Variants in LRP1B observed in about 807,000 individuals in gnomAD.
The protein encoded by LRP1B is low-density lipoprotein receptor-related protein 1B.
In LRP1B, 217 loss-of-function variants were observed where a neutral mutation model predicts 556.6. That is an observed-to-expected ratio of 0.39 (90% CI 0.35 to 0.44). The LOEUF (loss-of-function observed/expected upper bound fraction) is 0.44, where lower values mean the gene tolerates loss of function less well. Among genes scored for constraint, LRP1B ranks in the 20% least tolerant of loss-of-function variants. The probability of loss-of-function intolerance (pLI) is 1.00; values close to 1 mark genes in which losing one functional copy is unlikely to be tolerated. For synonymous variants in LRP1B, 2,047 were observed against 1,865.8 expected (o/e 1.10, Z -2.50); for missense variants, 5,053 against 5,620.8 (o/e 0.90, Z 3.23).
intron 78 of LRP1B, among the ~76,000 whole-genome samples, chr2:140,334,948 T>A (rs1680995575): frequency 1.3e-5 from 2 of 152,030 alleles, no homozygotes; most frequent in Admixed American, 6.6e-5. Flanking sequence ...CTATTTTTTT[T>A]ATAGAGAAGT....
At chr2:140,750,158 A>G (rs1688525711) in intron 35 of LRP1B, among the ~76,000 whole-genome samples, 1 of 152,092 alleles carries the variant, frequency 6.6e-6, no homozygotes, top group Admixed American at 6.6e-5. Context: ...AGTCATAATA[A>G]TGTAGTCCTT....
intron 68 of LRP1B, among the ~76,000 whole-genome samples, chr2:140,376,250 A>T (rs955299591): frequency 6.6e-6 from 1 of 152,174 alleles, no homozygotes; most frequent in African/African-American, 2.4e-5. Flanking sequence ...GGTAATAAGG[A>T]TATCTACTTT....
rs558344300 is a variant in LRP1B at position 140,716,082 on chromosome 2, G to C, written c.5914C>G (p.His1972Asp). 2 of 1,603,990 alleles carry C rather than the reference G, an allele frequency of 1.2e-6. No individual in the cohort carries two copies. Among genetic ancestry groups the C allele is most frequent in the African/African-American group, 2.7e-5 (2 of 74,608 alleles). Residue 1972 changes from histidine (H) to aspartate (D), a missense_variant, in exon 37 of 91, where the codon CAT becomes GAT. Coordinates refer to ENST00000389484, the MANE Select transcript of LRP1B (RefSeq NM_018557.3). ...WIAGNIYWTD[H>D]GFNLIEVARL... Reference sequence around the variant, plus strand: ...GCAACTTCAATTAAGTTGAAACCATGATCTGTCCAATATATGTTACCTAGG... The same window carrying C: ...GCAACTTCAATTAAGTTGAAACCATCATCTGTCCAATATATGTTACCTAGG...
chr2:141,795,902 T>TAAA (rs1695797423), intron 2 of LRP1B, among the ~76,000 whole-genome samples: 1 of 56,746 alleles, frequency 1.8e-5, no homozygotes, highest in Non-Finnish European at 4.1e-5. Context: ...ATATATATAA[T>TAAA]CTTTAAGCAA....
intron 41 of LRP1B, among the ~76,000 whole-genome samples, chr2:140,623,956 G>GTATATATATATATATATA (rs3060390): frequency 0.081 from 8,643 of 106,084 alleles, 871 homozygotes; most frequent in Admixed American, 0.11. Context: ...TTTTATTTAT[G>GTATATATATATATATATA]TATATATATA....
chr2:140,402,355 G>A (rs1240888793), intron 66 of LRP1B, among the ~76,000 whole-genome samples: 1 of 152,128 alleles, frequency 6.6e-6, no homozygotes, highest in Non-Finnish European at 1.5e-5. Flanking sequence ...AAGAGTCTTG[G>A]AGAAGGGATC....
Position 140,471,953 on chromosome 2 carries a change from C to G in LRP1B, c.9625+3185G>C, listed in dbSNP as rs990655748. On this transcript the variant is annotated intron_variant, in intron 60 of 90. Coordinates refer to ENST00000389484, the MANE Select transcript of LRP1B (RefSeq NM_018557.3). ...ATGCTGTTCCCTCTGTGTGAAGACT[C>G]CTTCTTACACTTTCCCTCTATGGGG... 1.4e-4 allele frequency among the ~76,000 whole-genome samples: 21 copies of G among 152,198 alleles called. 1 individual carries two copies. The highest frequency in any genetic ancestry group is 5.1e-4 in the African/African-American group (21 of 41,452).
At chr2:140,828,405 C>T (rs915719184) in intron 31 of LRP1B, among the ~76,000 whole-genome samples, 22 of 149,550 alleles carry the variant, frequency 1.5e-4, no homozygotes, top group African/African-American at 5.4e-4. Flanking sequence ...GTCAGGAGAT[C>T]GAGACCATCC....
chr2:140,359,085 C>G (rs560362279), intron 72 of LRP1B, 139 bp from the exon 73 acceptor site: 2 of 714,038 alleles, frequency 2.8e-6, no homozygotes. Flanking sequence ...CAATTGCCTA[C>G]TAGTGGCTAC....
intron 7 of LRP1B, among the ~76,000 whole-genome samples, chr2:141,074,833 T>C (rs2105490081): frequency 6.6e-6 from 1 of 152,218 alleles, no homozygotes; most frequent in Non-Finnish European, 1.5e-5. Context: ...AGGCCTAAAT[T>C]ACTAATCATA....
intron 7 of LRP1B, among the ~76,000 whole-genome samples, chr2:141,166,321 C>T (rs1192673175): frequency 6.6e-6 from 1 of 151,328 alleles, no homozygotes; most frequent in Non-Finnish European, 1.5e-5. Context: ...TCTTAAATGT[C>T]CTCTTCTCAG....
chr2:140,681,103 T>C (rs1312602130), intron 41 of LRP1B, among the ~76,000 whole-genome samples: 1 of 152,222 alleles, frequency 6.6e-6, no homozygotes, highest in African/African-American at 2.4e-5. Flanking sequence ...TCATGATGGG[T>C]ACCAAAGGAA....
intron 21 of LRP1B, among the ~76,000 whole-genome samples, chr2:140,908,365 AATATAT>A (rs71834225): frequency 0.56 from 79,254 of 140,752 alleles, 22,994 homozygotes; most frequent in Non-Finnish European, 0.64. Context: ...ATATTTATAT[AATATAT>A]ATATATATAT....
At chr2:140,378,931 G>C (rs543073819) in intron 67 of LRP1B, among the ~76,000 whole-genome samples, 14 of 152,240 alleles carry the variant, frequency 9.2e-5, no homozygotes, top group African/African-American at 3.1e-4. Context: ...TAATTTAGCA[G>C]TTATTGATTT....
rs903416105 is a variant in LRP1B, at chr2:141,779,165, G to A, written c.205+31114C>T. Among the ~76,000 whole-genome samples the A allele has an allele frequency of 2.0e-5, 3 of 152,204 alleles. No homozygotes were observed. In the East Asian group the frequency reaches 5.8e-4, roughly 29 times the overall value. On this transcript the variant is annotated intron_variant, in intron 2 of 90. Coordinates refer to ENST00000389484, the MANE Select transcript of LRP1B (RefSeq NM_018557.3). Reference sequence around the variant, plus strand: ...TCACTTAACCTAGATTTGTATTTATGTGGATTAATTCCTTAACTTCCTGGG... The same window carrying A: ...TCACTTAACCTAGATTTGTATTTATATGGATTAATTCCTTAACTTCCTGGG...
At chr2:142,120,180 C>T (rs948072495) in intron 1 of LRP1B, among the ~76,000 whole-genome samples, 42 of 152,174 alleles carry the variant, frequency 2.8e-4, no homozygotes, top group African/African-American at 9.9e-4. Flanking sequence ...GGCACAATCT[C>T]TGCTCACTGC....
intron 43 of LRP1B, among the ~76,000 whole-genome samples, chr2:140,565,298 G>A (rs1681085650): frequency 8.6e-6 from 1 of 116,040 alleles, no homozygotes; most frequent in South Asian, 3.0e-4. Context: ...TTTCTGAATT[G>A]TAATTTTTTG....
At chr2:141,028,568 G>C (rs1442538015) in intron 11 of LRP1B, among the ~76,000 whole-genome samples, 2 of 151,848 alleles carry the variant, frequency 1.3e-5, no homozygotes, top group Non-Finnish European at 2.9e-5. Flanking sequence ...AATCATCCAA[G>C]GATGATTATT....
intron 25 of LRP1B, among the ~76,000 whole-genome samples, chr2:140,875,152 A>G (rs1483724161): frequency 6.6e-6 from 1 of 152,166 alleles, no homozygotes; most frequent in East Asian, 1.9e-4. Flanking sequence ...GACAGAAATT[A>G]AAACTATTCA....
Sources: allele counts gnomAD v4.1 joint callset (sites outside exome capture counted in the v4.1 genomes callset), GRCh38; gene constraint gnomAD v4.1.1; transcripts MANE v1.5; gene names NCBI Gene and HGNC (gene_info 2026-07-23, HGNC 2026-07-21).